Variants in RNF145 observed in about 807,000 individuals in gnomAD.
RNF145 encodes the protein ring finger protein 145.
In RNF145, 12 loss-of-function variants were observed where a neutral mutation model predicts 57.3. That is an observed-to-expected ratio of 0.21 (90% confidence interval 0.13 to 0.34). The LOEUF (loss-of-function observed/expected upper bound fraction) is 0.34, where lower values mean the gene tolerates loss of function less well. Among genes scored for constraint, RNF145 ranks in the 10% least tolerant of loss-of-function variants. The probability of loss-of-function intolerance (pLI) is 1.00; values close to 1 mark genes in which losing one functional copy is unlikely to be tolerated. For missense variants in RNF145, 429 were observed against 799.0 expected, an observed-to-expected ratio of 0.54 and a Z score of 5.58; for synonymous variants, 262 against 288.3, an observed-to-expected ratio of 0.91 and a Z score of 0.92.
chr5:159,165,844 TACC>T (rs1475011005), intron 8 of RNF145, among the ~76,000 whole-genome samples: 2 of 152,222 alleles, frequency 1.3e-5, no homozygotes, highest in Admixed American at 6.5e-5. Context: ...CTGTGACTAT[TACC>T]ACATTTTATC....
Position 159,163,083 on chromosome 5 carries a change from G to T in RNF145, c.1122-4C>A. Reference sequence around the variant, plus strand: ...ACGGAAGTGTTTCCACAAGCTCCTGGAGAAAGACAAAATTATTCTTTTTAA... The same window carrying T: ...ACGGAAGTGTTTCCACAAGCTCCTGTAGAAAGACAAAATTATTCTTTTTAA... On this transcript the variant is annotated splice_region_variant and splice_polypyrimidine_tract_variant and intron_variant, in intron 8 of 10. Coordinates refer to ENST00000424310, the MANE Select transcript of RNF145 (RefSeq NM_001199383.2). The T allele has an allele frequency of 6.3e-7, 1 of 1,587,166 alleles. No individual in the cohort carries two copies. Among genetic ancestry groups the T allele is most frequent in the Non-Finnish European group, 8.5e-7 (1 of 1,172,866 alleles).
At chr5:159,208,040 C>G (rs2113262571) in intron 1 of RNF145, 1 of 1,522,880 alleles carries the variant, frequency 6.6e-7, no homozygotes, top group Non-Finnish European at 8.8e-7. Context: ...CTAGTTTCCT[C>G]TTTACTGCAG....
rs569634818 is a variant in RNF145, at chr5:159,209,002, A to C, written c.-40+229T>G. On this transcript the variant is annotated intron_variant, in intron 1 of 10. Coordinates refer to ENST00000424310, the MANE Select transcript of RNF145 (RefSeq NM_001199383.2). ...GGGAGAGCAGGGTCGGAGGGAGGCG[A>C]CCACCGCGGGAAGAGCTAGAGGATG... Among the ~76,000 whole-genome samples, 175 of 151,332 alleles carry C rather than the reference A, an allele frequency of 1.2e-3. 2 individuals carry two copies. Among genetic ancestry groups the C allele is most frequent in the African/African-American group, 4.1e-3 (170 of 41,174 alleles).
intron 5 of RNF145, among the ~76,000 whole-genome samples, chr5:159,176,144 G>A (rs921970108): frequency 1.3e-5 from 2 of 151,990 alleles, no homozygotes; most frequent in African/African-American, 4.8e-5. Flanking sequence ...GGCACACAAA[G>A]GGAAGAAACT....
intron 2 of RNF145, among the ~76,000 whole-genome samples, chr5:159,196,718 T>C (rs914457569): frequency 3.3e-5 from 5 of 152,210 alleles, no homozygotes; most frequent in Non-Finnish European, 7.3e-5. Context: ...TTCCCCAATT[T>C]TGTTAACCCC....
At chr5:159,163,107 A>C in intron 8 of RNF145, 28 bp from the exon 9 acceptor site, 1 of 1,572,112 alleles carries the variant, frequency 6.4e-7, no homozygotes, top group Non-Finnish European at 8.6e-7. Context: ...TATTCTTTTT[A>C]AGTGCCTGCC....
chr5:159,167,344 CCGGCCCA>C (rs1456503281), intron 8 of RNF145, among the ~76,000 whole-genome samples: 5 of 152,150 alleles, frequency 3.3e-5, no homozygotes, highest in Admixed American at 1.3e-4. Flanking sequence ...TCAAAGTACC[CCGGCCCA>C]CATACAACAC....
chr5:159,169,915 C>A, intron 6 of RNF145, 96 bp from the exon 7 acceptor site: 2 of 1,005,942 alleles, frequency 2.0e-6, no homozygotes, highest in Non-Finnish European at 2.8e-6. Flanking sequence ...TGATTTGATA[C>A]TCATTAATTA....
At chr5:159,168,597 AT>A (rs1333030423) in intron 8 of RNF145, among the ~76,000 whole-genome samples, 1 of 152,206 alleles carries the variant, frequency 6.6e-6, no homozygotes, top group African/African-American at 2.4e-5. Context: ...TATAAAAAGT[AT>A]TAACTTCATC....
In RNF145 at chr5:159,189,776, C is replaced by T. The variant is rs75013839; in HGVS notation, c.293+4940G>A. On this transcript the variant is annotated intron_variant, in intron 3 of 10. Transcript: ENST00000424310. ...AATATGGACAGAAAAAGAAAGTAAG[C>T]ACCAACACATGCTGCAACATGCATG... Among the ~76,000 whole-genome samples, 422 of 152,244 alleles carry T rather than the reference C, an allele frequency of 2.8e-3. 2 individuals carry two copies. The highest frequency in any genetic ancestry group is 9.6e-3 in the African/African-American group (398 of 41,534).
chr5:159,180,728 A>C (rs1220133746), intron 4 of RNF145, among the ~76,000 whole-genome samples: 1 of 152,158 alleles, frequency 6.6e-6, no homozygotes, highest in African/African-American at 2.4e-5. Context: ...TCTATATTAA[A>C]AGTTAACAAG....
At chr5:159,161,195 G>T in intron 10 of RNF145, 71 bp downstream of exon 10, 2 of 915,178 alleles carry the variant, frequency 2.2e-6, no homozygotes, top group Non-Finnish European at 1.6e-6. Context: ...GTTGAATTTG[G>T]TTAATATGGT....
chr5:159,159,425 TAC>T (rs1364848604), intron 10 of RNF145, among the ~76,000 whole-genome samples: 1 of 152,208 alleles, frequency 6.6e-6, no homozygotes. Context: ...GGACTTTTTC[TAC>T]AGTTTTGCTT....
chr5:159,194,567 C>T (rs1785391788), intron 3 of RNF145, 149 bp downstream of exon 3: 1 of 617,592 alleles, frequency 1.6e-6, no homozygotes, highest in African/African-American at 1.9e-5. Context: ...GCTATTAATC[C>T]TGTGTAAGAT....
At chr5:159,192,601 A>AT (rs1489963481) in intron 3 of RNF145, among the ~76,000 whole-genome samples, 2 of 152,252 alleles carry the variant, frequency 1.3e-5, no homozygotes, top group Non-Finnish European at 2.9e-5. Flanking sequence ...TTGCTATGTG[A>AT]TAAAAACAAG....
chr5:159,202,751 T>C (rs1340758123), intron 2 of RNF145, among the ~76,000 whole-genome samples: 1 of 152,172 alleles, frequency 6.6e-6, no homozygotes, highest in Non-Finnish European at 1.5e-5. Flanking sequence ...ACATTACAAA[T>C]AAACCAAAAC....
rs771747022 is a variant in RNF145, at chr5:159,158,789, C to G, written c.1873G>C (p.Gly625Arg). 1.2e-6 allele frequency: 2 copies of G among 1,613,850 alleles called. No homozygotes were observed. The highest frequency in any genetic ancestry group is 1.3e-5 in the African/African-American group (1 of 74,902). The change falls in exon 11 of 11, where the codon GGT (glycine) becomes CGT (arginine). Residue 625 changes from glycine (G) to arginine (R), a missense_variant. Gly to Arg is a moderately radical substitution (Grantham distance 125). This residue lies in a region of RNF145 where 102 missense variants were observed against 106.2 expected (regional missense o/e 0.96). Coordinates refer to ENST00000424310, the MANE Select transcript of RNF145 (RefSeq NM_001199383.2). ...ATGTACTCATTATTGTCCCTGGAAC[C>G]TTCCTGTATCCTGGTCCCTGGAGTA... ...EHTPGTRIQEGSRDNNEYIAR... is the reference protein window; with the variant it reads ...EHTPGTRIQERSRDNNEYIAR...
chr5:159,162,372 T>A (rs1313078226), intron 9 of RNF145, among the ~76,000 whole-genome samples: 1 of 152,070 alleles, frequency 6.6e-6, no homozygotes, highest in Non-Finnish European at 1.5e-5. Flanking sequence ...ACTGAAAGGC[T>A]TAATTACCTT....
intron 1 of RNF145, among the ~76,000 whole-genome samples, chr5:159,205,542 A>G (rs1215610694): frequency 6.6e-6 from 1 of 152,210 alleles, no homozygotes; most frequent in Non-Finnish European, 1.5e-5. Flanking sequence ...TTACAGTGGA[A>G]AGACTTACTT....
Sources: allele counts gnomAD v4.1 joint callset (sites outside exome capture counted in the v4.1 genomes callset), GRCh38; gene constraint gnomAD v4.1.1; regional missense constraint gnomAD v4.1.1; transcripts MANE v1.5; gene names NCBI Gene and HGNC (gene_info 2026-07-23, HGNC 2026-07-21).